Variants in NOL11 observed in about 807,000 individuals in gnomAD.
NOL11 encodes the protein nucleolar protein 11.
In NOL11, 42 loss-of-function variants were observed where a neutral mutation model predicts 93.0. The ratio of observed to expected loss-of-function variants is 0.45; its 90% CI spans 0.35 to 0.58. NOL11 has a LOEUF of 0.58. NOL11 is among the 20% of genes least tolerant of loss of function. The probability of loss-of-function intolerance (pLI) is 0.00; values close to 1 mark genes in which losing one functional copy is unlikely to be tolerated. For missense variants in NOL11, 775 were observed against 841.8 expected (o/e 0.92, Z 0.98); for synonymous variants, 296 against 293.7 (o/e 1.01, Z -0.08).
At chr17:67,728,652 ATAC>A (rs1191677029) in intron 7 of NOL11, among the ~76,000 whole-genome samples, 4 of 152,110 alleles carry the variant, frequency 2.6e-5, no homozygotes, top group African/African-American at 9.7e-5. Flanking sequence ...ATACAAGCAA[ATAC>A]TACTACTTAA....
At chr17:67,740,189 C>T (rs928909849) in intron 16 of NOL11, among the ~76,000 whole-genome samples, 26 of 150,136 alleles carry the variant, frequency 1.7e-4, no homozygotes, top group African/African-American at 4.4e-4. Context: ...GAGCTGAGAT[C>T]GCGCCACTGC....
chr17:67,723,370 A>ATTTTTTTTTTTTT (rs568396700), intron 5 of NOL11, among the ~76,000 whole-genome samples: 2 of 60,774 alleles, frequency 3.3e-5, no homozygotes, highest in African/African-American at 1.3e-4. Context: ...AAGATCTCTA[A>ATTTTTTTTTTTTT]TTTTTTTTTT....
chr17:67,725,223 C>T (rs2055080594), intron 6 of NOL11, among the ~76,000 whole-genome samples: 1 of 152,044 alleles, frequency 6.6e-6, no homozygotes, highest in African/African-American at 2.4e-5. Context: ...CCCTCTGCTC[C>T]TTTTTTCCAA....
chr17:67,730,335 A>G (rs2055141926), intron 7 of NOL11, among the ~76,000 whole-genome samples: 1 of 152,156 alleles, frequency 6.6e-6, no homozygotes, highest in Admixed American at 6.5e-5. Flanking sequence ...ATCTGGGCTC[A>G]CTGCAAGCTC....
chr17:67,740,091 C>T (rs955206509), intron 16 of NOL11, among the ~76,000 whole-genome samples: 6 of 151,838 alleles, frequency 4.0e-5, no homozygotes, highest in Non-Finnish European at 8.8e-5. Flanking sequence ...CAAAATCATC[C>T]AGGCATAGTG....
chr17:67,742,216 T>C (rs6504529), intron 16 of NOL11, among the ~76,000 whole-genome samples: 134,762 of 152,278 alleles, frequency 0.88, 59,669 homozygotes, highest in East Asian at 0.95. Flanking sequence ...TTACTGACAT[T>C]CAGTTTTGTC....
At position 67,738,103 on chromosome 17, in the gene NOL11, C is replaced by A; in HGVS notation, c.1530-19C>A. ...CTTGGTGATAAGGATTAACCTCTTG[C>A]TTTCAACTACCATCATAGCATTGGT... On this transcript the variant is annotated intron_variant, in intron 13 of 17. Transcript: ENST00000253247. 1 of 1,581,554 alleles carries A rather than the reference C, an allele frequency of 6.3e-7. No individual in the cohort carries two copies. Among genetic ancestry groups the A allele is most frequent in the Non-Finnish European group, 8.6e-7 (1 of 1,156,822 alleles).
At chr17:67,743,272 A>AT in intron 16 of NOL11, 6 of 352,870 alleles carry the variant, frequency 1.7e-5, no homozygotes, top group South Asian at 1.0e-4. Flanking sequence ...CATCTCTAAA[A>AT]TTTTTTTTAA....
At chr17:67,730,590 C>T (rs2055144951) in intron 7 of NOL11, among the ~76,000 whole-genome samples, 1 of 152,216 alleles carries the variant, frequency 6.6e-6, no homozygotes, top group African/African-American at 2.4e-5. Context: ...TTGGGATATA[C>T]ACCTAGCAGG....
chr17:67,723,005 C>CTT (rs61233443), intron 5 of NOL11, among the ~76,000 whole-genome samples: 98 of 124,566 alleles, frequency 7.9e-4, no homozygotes, highest in Middle Eastern at 4.3e-3. Context: ...AATTTCAAAA[C>CTT]TTTTTTTTTT....
At chr17:67,721,069 C>G (rs112768984) in intron 3 of NOL11, among the ~76,000 whole-genome samples, 1 of 152,196 alleles carries the variant, frequency 6.6e-6, no homozygotes, top group Admixed American at 6.5e-5. Flanking sequence ...GCATGAATGG[C>G]TTATCTGTAT....
intron 17 of NOL11, 64 bp from the exon 18 acceptor site, chr17:67,743,679 T>G: frequency 3.3e-6 from 4 of 1,198,542 alleles, no homozygotes; most frequent in South Asian, 1.5e-5. Flanking sequence ...AATAACTTAC[T>G]CATGGAAGAT....
At chr17:67,728,588 G>A (rs185640420) in intron 7 of NOL11, among the ~76,000 whole-genome samples, 62 of 152,104 alleles carry the variant, frequency 4.1e-4, no homozygotes, top group African/African-American at 1.3e-3. Flanking sequence ...AAAAAAACCC[G>A]GTGGCTACTA....
intron 9 of NOL11, among the ~76,000 whole-genome samples, 169 bp downstream of exon 9, chr17:67,736,192 T>C (rs1230421548): frequency 6.6e-6 from 1 of 151,512 alleles, no homozygotes; most frequent in African/African-American, 2.4e-5. Flanking sequence ...ACCCCTGTAA[T>C]CCCAGCACTT....
intron 10 of NOL11, 108 bp downstream of exon 10, chr17:67,736,862 T>G: frequency 1.1e-6 from 1 of 875,914 alleles, no homozygotes. Flanking sequence ...GCTTTGACTA[T>G]AATGACAGGA....
At chr17:67,730,296 T>C (rs2055141375) in intron 7 of NOL11, among the ~76,000 whole-genome samples, 1 of 152,188 alleles carries the variant, frequency 6.6e-6, no homozygotes, top group Admixed American at 6.5e-5. Context: ...TCTCGCTCTG[T>C]CGCCCAGAGG....
rs774546452 is a variant in NOL11, at chr17:67,743,879, T to C, written c.*20T>C. On this transcript the variant is annotated 3_prime_UTR_variant, in exon 18 of 18. Coordinates refer to ENST00000253247, the MANE Select transcript of NOL11 (RefSeq NM_015462.5). The stretch of plus-strand genomic sequence containing the variant: ...TTCTGATATTATCAATTCTCCTTCA[T>C]AGACATTTTATAAAGCTCTTTTATG... 5 of 1,182,808 alleles carry C rather than the reference T, an allele frequency of 4.2e-6. No individual in the cohort carries two copies. Among genetic ancestry groups the C allele is most frequent in the African/African-American group, 1.6e-5 (1 of 63,408 alleles). The allele number at this position is 1,182,808 out of a possible 1,614,324, so 73.3% of individuals were successfully genotyped here. A position where few individuals can be genotyped will look rare whatever the true frequency, so the allele number is the denominator to read the frequency against.
Position 67,737,917 on chromosome 17 carries a change from C to T in NOL11, c.1474C>T (p.Gln492Ter), listed in dbSNP as rs772541329. ...DVQLLQLCLQQFPDIPESVTC... is the reference protein window; with the variant it reads ...DVQLLQLCLQ ...ACAGTTGTTACAACTCTGTCTACAG[C>T]AGTTCCCTGACATTCCTGAATCAGT... Residue 492 changes from glutamine (Q) to a stop codon, truncating the protein, a stop_gained, in exon 13 of 18, where the codon CAG becomes TAG. Coordinates refer to ENST00000253247, the MANE Select transcript of NOL11 (RefSeq NM_015462.5). LOFTEE classifies it high-confidence loss of function. 1 of 1,613,502 alleles carries T rather than the reference C, an allele frequency of 6.2e-7. No individual in the cohort carries two copies. The highest frequency in any genetic ancestry group is 8.5e-7 in the Non-Finnish European group (1 of 1,179,746).
At chr17:67,736,557 C>A in intron 9 of NOL11, 109 bp from the exon 10 acceptor site, 1 of 662,418 alleles carries the variant, frequency 1.5e-6, no homozygotes, top group South Asian at 2.0e-5. Flanking sequence ...GACTTCAAAG[C>A]CTCTCTTAAA....
Sources: gnomAD v4.1 joint callset for allele counts (sites outside exome capture counted in the v4.1 genomes callset) on GRCh38, gnomAD v4.1.1 for gene constraint, MANE v1.5 for transcripts, NCBI Gene and HGNC (gene_info 2026-07-23, HGNC 2026-07-21) for gene names.